Variants in HTATIP2 observed in about 807,000 individuals in gnomAD.
The protein encoded by HTATIP2 is HIV-1 Tat interactive protein 2, also known as protein HTATIP2.
In HTATIP2, 26 loss-of-function variants were observed where a neutral mutation model predicts 24.7. The ratio of observed to expected loss-of-function variants is 1.05; its 90% CI spans 0.77 to 1.46. The LOEUF is 1.46. Ranked by LOEUF, HTATIP2 falls within the 40% of genes most tolerant of loss-of-function variation. The pLI is 0.00. For missense variants in HTATIP2, 284 were observed against 289.6 expected, an observed-to-expected ratio of 0.98 and a Z score of 0.14; for synonymous variants, 99 against 113.2, an observed-to-expected ratio of 0.87 and a Z score of 0.79.
At chr11:20,370,087 T>G (rs1481067554) in intron 2 of HTATIP2, among the ~76,000 whole-genome samples, 1 of 152,190 alleles carries the variant, frequency 6.6e-6, no homozygotes, top group African/African-American at 2.4e-5. Context: ...ATCTGTATTT[T>G]TAGCAGGCTC....
chr11:20,381,469 T>A (rs1436769667), intron 3 of HTATIP2, among the ~76,000 whole-genome samples: 3 of 151,740 alleles, frequency 2.0e-5, no homozygotes, highest in African/African-American at 7.3e-5. Flanking sequence ...AAATAAATAA[T>A]TAAAATTAAA....
At chr11:20,364,982 G>T (rs1362575293) in intron 1 of HTATIP2, among the ~76,000 whole-genome samples, 1 of 138,566 alleles carries the variant, frequency 7.2e-6, no homozygotes, top group African/African-American at 2.7e-5. Context: ...TAAGTTAAAG[G>T]TTTTTTTTTT....
chr11:20,376,408 C>T (rs1468637980), intron 2 of HTATIP2, 172 bp from the exon 3 acceptor site: 2 of 675,308 alleles, frequency 3.0e-6, no homozygotes, highest in Non-Finnish European at 5.1e-6. Context: ...TCCAGAGGAC[C>T]AGACCTGGAG....
intron 2 of HTATIP2, among the ~76,000 whole-genome samples, chr11:20,369,978 A>G (rs1030971973): frequency 1.3e-5 from 2 of 152,224 alleles, no homozygotes; most frequent in African/African-American, 4.8e-5. Context: ...CTTCCTTTTC[A>G]TATTCACAGA....
At chr11:20,370,680 C>T (rs1226856220) in intron 2 of HTATIP2, among the ~76,000 whole-genome samples, 4 of 152,150 alleles carry the variant, frequency 2.6e-5, no homozygotes, top group African/African-American at 4.8e-5. Flanking sequence ...GACGGAGTCT[C>T]GCTCAGTTGC....
Position 20,364,147 on chromosome 11 carries a change from C to T in HTATIP2, c.-91C>T. On this transcript the variant is annotated 5_prime_UTR_variant, in exon 1 of 5. Transcript: ENST00000451739. ...ACTGCGGAGAACAATATCCTCCTCCCTAACAGATAAACAGCCCTTGTTCCT... is the reference window on the plus strand; with the variant it reads ...ACTGCGGAGAACAATATCCTCCTCCTTAACAGATAAACAGCCCTTGTTCCT... 1 of 1,496,696 alleles carries T rather than the reference C, an allele frequency of 6.7e-7. No individual in the cohort carries two copies. The allele number at this position is 1,496,696 out of a possible 1,614,324, so 92.7% of individuals were successfully genotyped here. A position where few individuals can be genotyped will look rare whatever the true frequency, so the allele number is the denominator to read the frequency against.
chr11:20,367,534 G>A, intron 2 of HTATIP2: 1 of 1,430,904 alleles, frequency 7.0e-7, no homozygotes, highest in Non-Finnish European at 9.1e-7. Flanking sequence ...TTTGCCTATT[G>A]TGATTATCGC....
chr11:20,379,490 A>G (rs1337378205), intron 3 of HTATIP2, among the ~76,000 whole-genome samples: 1 of 151,812 alleles, frequency 6.6e-6, no homozygotes, highest in Non-Finnish European at 1.5e-5. Context: ...GTGTGTATGA[A>G]CTCCCCCGCC....
chr11:20,374,341 C>T (rs1279667118), intron 2 of HTATIP2, among the ~76,000 whole-genome samples: 1 of 152,056 alleles, frequency 6.6e-6, no homozygotes, highest in East Asian at 1.9e-4. Flanking sequence ...TAATAAATTC[C>T]TCAAATTTAG....
At position 20,383,103 on chromosome 11, in the gene HTATIP2, A is replaced by G; in HGVS notation, c.627A>G (p.Ala209=). 1.9e-6 allele frequency: 3 copies of G among 1,614,022 alleles called. No individual in the cohort carries two copies. Among genetic ancestry groups the G allele is most frequent in the Non-Finnish European group, 2.5e-6 (3 of 1,179,998 alleles). ...TGCCTGTGGTGACCGTGGTTAGAGC[A>G]ATGCTGAACAATGTGGTGAGACCAA... is the stretch of plus-strand genomic sequence containing the variant. The part of the protein sequence containing the change: ...HSVPVVTVVR[A]MLNNVVRPRD... Residue 209 remains alanine (A), a synonymous_variant, in exon 5 of 5, where the codon GCA becomes GCG. Coordinates refer to ENST00000451739, the MANE Select transcript of HTATIP2 (RefSeq NM_001098522.2).
At chr11:20,368,289 T>TGAAGAACTATTC (rs1360046909) in intron 2 of HTATIP2, among the ~76,000 whole-genome samples, 20 of 152,192 alleles carry the variant, frequency 1.3e-4, no homozygotes, top group Non-Finnish European at 2.9e-5. Context: ...GAGCATATAG[T>TGAAGAACTATTC]GAAGAACTAT....
At chr11:20,377,129 C>CT (rs11441867) in intron 3 of HTATIP2, among the ~76,000 whole-genome samples, 10,246 of 144,066 alleles carry the variant, frequency 0.071, 998 homozygotes, top group African/African-American at 0.22. Context: ...ACTTTCTTTT[C>CT]TTTTTTTTTT....
chr11:20,381,163 G>A (rs1184524085), intron 3 of HTATIP2, among the ~76,000 whole-genome samples: 2 of 152,006 alleles, frequency 1.3e-5, no homozygotes, highest in South Asian at 2.1e-4. Flanking sequence ...GAATGGCCAA[G>A]CGCGGTGGCT....
intron 2 of HTATIP2, chr11:20,367,619 G>T: frequency 1.6e-6 from 2 of 1,286,158 alleles, no homozygotes; most frequent in Non-Finnish European, 2.0e-6. Context: ...TTAACAATCA[G>T]CTGTTTTTCC....
chr11:20,373,085 G>T (rs1357652567), intron 2 of HTATIP2, among the ~76,000 whole-genome samples: 1 of 152,190 alleles, frequency 6.6e-6, no homozygotes, highest in African/African-American at 2.4e-5. Context: ...AACAGCCATT[G>T]ATTGCTAATA....
chr11:20,379,243 C>T (rs1848486626), intron 3 of HTATIP2, among the ~76,000 whole-genome samples: 1 of 152,164 alleles, frequency 6.6e-6, no homozygotes, highest in African/African-American at 2.4e-5. Context: ...AATATTAAGG[C>T]CAATACAACG....
chr11:20,364,633 T>G (rs553909509), intron 1 of HTATIP2, among the ~76,000 whole-genome samples: 1 of 152,246 alleles, frequency 6.6e-6, no homozygotes, highest in East Asian at 1.9e-4. Flanking sequence ...CTCCCGCTCA[T>G]TGTGTGGTCT....
intron 1 of HTATIP2, among the ~76,000 whole-genome samples, chr11:20,366,934 T>C (rs949433312): frequency 3.3e-5 from 5 of 152,214 alleles, no homozygotes; most frequent in African/African-American, 1.2e-4. Context: ...TAATCGAACC[T>C]GACTTCAGAA....
rs1348474630 is a variant in HTATIP2, at chr11:20,363,891, CG to C, written c.-343del. On this transcript the variant is annotated 5_prime_UTR_variant, in exon 1 of 5. The change abolishes the stop of an existing upstream ORF in the 5' untranslated region. Coordinates refer to ENST00000451739, the MANE Select transcript of HTATIP2 (RefSeq NM_001098522.2). ...CTGCTCCTGCTGCGTCGTGAGGACCCGGGGCCGGGGGCTGGCCCCAGGTAAC... is the reference window on the plus strand; with the variant it reads ...CTGCTCCTGCTGCGTCGTGAGGACCCGGGCCGGGGGCTGGCCCCAGGTAAC... 8.0e-7 allele frequency: 1 copy of C among 1,243,092 alleles called. No homozygotes were observed. 77.0% of individuals were successfully genotyped at this position (1,243,092 alleles called of 1,614,324 possible).
Sources: gnomAD v4.1 joint callset for allele counts (sites outside exome capture counted in the v4.1 genomes callset) on GRCh38, gnomAD v4.1.1 for gene constraint, MANE v1.5 for transcripts, NCBI Gene and HGNC (gene_info 2026-07-23, HGNC 2026-07-21) for gene names.